Variants in DLG5 observed in about 807,000 individuals in gnomAD.
The protein encoded by DLG5 is discs large MAGUK scaffold protein 5.
A neutral mutation model predicts 189.8 loss-of-function variants in DLG5; 48 were observed. The observed-to-expected ratio is 0.25, with a 90% CI of 0.20 to 0.32. The LOEUF is 0.32. DLG5 is among the 10% of genes least tolerant of loss of function. The pLI, the probability that DLG5 is intolerant of heterozygous loss-of-function variation, is 1.00. For missense variants in DLG5, 2,160 were observed against 2,544.7 expected, an observed-to-expected ratio of 0.85 and a Z score of 3.25; for synonymous variants, 1,016 against 1,054.1, an observed-to-expected ratio of 0.96 and a Z score of 0.70.
the DLG5 span, among the ~76,000 whole-genome samples, chr10:77,932,432 G>C: frequency 6.6e-6 from 1 of 152,160 alleles, no homozygotes; most frequent in Non-Finnish European, 1.5e-5. Flanking sequence ...ACAAACTAAA[G>C]AGTTTTGCAT....
Position 77,796,187 on chromosome 10 carries a change from C to T in DLG5, c.5310G>A (p.Glu1770=). Residue 1770 remains glutamate (E), a splice_region_variant and synonymous_variant, in exon 29 of 32, where the codon GAG becomes GAA. Coordinates refer to ENST00000372391, the MANE Select transcript of DLG5 (RefSeq NM_004747.4). The surrounding 1 kb of genome is among the most constrained non-coding windows in gnomAD (Gnocchi z 5.2). ...APGKFCRCPL[E]VMKASQQAIE... ...TGGCCTGCTGGGAGGCCTTCATCAC[C>T]TCTGCAATGCACAGACACAGGAATC... 2 of 1,614,132 alleles carry T rather than the reference C, an allele frequency of 1.2e-6. No homozygotes were observed. The highest frequency in any genetic ancestry group is 1.7e-6 in the Non-Finnish European group (2 of 1,180,036).
chr10:77,811,030 G>A, intron 23 of DLG5, 64 bp downstream of exon 23: 2 of 1,557,506 alleles, frequency 1.3e-6, no homozygotes, highest in Non-Finnish European at 1.7e-6. Flanking sequence ...GCCACTTGGA[G>A]AATGTGCTCA....
intron 2 of DLG5, among the ~76,000 whole-genome samples, chr10:77,865,019 T>C (rs1017668012): frequency 2.0e-5 from 3 of 152,214 alleles, no homozygotes; most frequent in South Asian, 2.1e-4. Context: ...CAGAGCACTT[T>C]TCCTGGAAGG....
chr10:77,931,554 A>G (rs1249869610), upstream of DLG5, among the ~76,000 whole-genome samples: 1 of 151,796 alleles, frequency 6.6e-6, no homozygotes, highest in Non-Finnish European at 1.5e-5. Flanking sequence ...CCCACCTATA[A>G]TCAGGCTTCT....
intron 20 of DLG5, among the ~76,000 whole-genome samples, chr10:77,815,782 AAAGT>A (rs1162667836): frequency 6.6e-6 from 1 of 152,178 alleles, no homozygotes; most frequent in Non-Finnish European, 1.5e-5. Flanking sequence ...TGATTAAATA[AAAGT>A]AAGTTTATCA....
rs935827492 is a variant in DLG5 at position 77,811,185 on chromosome 10, T to C, written c.4372A>G (p.Thr1458Ala). 1.2e-6 allele frequency: 2 copies of C among 1,613,142 alleles called. No homozygotes were observed. The highest frequency in any genetic ancestry group is 2.7e-5 in the African/African-American group (2 of 74,780). The stretch of plus-strand genomic sequence containing the variant: ...ACAGATGGATGCTCCGGGGTGGTGG[T>C]GCCACTGCCCTGGAGAGTGGAGTGG... Reference protein sequence around the residue: ...GTHSTLQGSGTTTPEHPSVID... With the variant: ...GTHSTLQGSGATTPEHPSVID... Residue 1458 changes from threonine to alanine, a missense_variant, in exon 23 of 32, where the codon ACC (threonine) becomes GCC (alanine). Transcript: ENST00000372391.
At chr10:77,916,677 T>G (rs1846366703) in intron 1 of DLG5, among the ~76,000 whole-genome samples, 1 of 152,062 alleles carries the variant, frequency 6.6e-6, no homozygotes, top group African/African-American at 2.4e-5. Flanking sequence ...ATTTCCTTAA[T>G]TAAAACTCAG....
chr10:77,938,310 G>T, the DLG5 span, among the ~76,000 whole-genome samples: 1 of 151,992 alleles, frequency 6.6e-6, no homozygotes, highest in Non-Finnish European at 1.5e-5. Context: ...TGCCGGGCAT[G>T]GTCCCAGCTA....
At chr10:77,934,155 G>A in the DLG5 span, among the ~76,000 whole-genome samples, 4 of 152,056 alleles carry the variant, frequency 2.6e-5, no homozygotes, top group East Asian at 1.9e-4. Flanking sequence ...TGGATCACCC[G>A]AGGTCAGGAA....
chr10:77,873,039 A>ATG, intron 1 of DLG5, among the ~76,000 whole-genome samples: 1 of 149,402 alleles, frequency 6.7e-6, no homozygotes, highest in African/African-American at 2.5e-5. Flanking sequence ...GTGCACACAC[A>ATG]CACACACACA....
Position 77,833,993 on chromosome 10 carries a change from C to G in DLG5, c.1669G>C (p.Glu557Gln), listed in dbSNP as rs770352740. 2.5e-6 allele frequency: 4 copies of G among 1,608,810 alleles called. No homozygotes were observed. Among genetic ancestry groups the G allele is most frequent in the Non-Finnish European group, 3.4e-6 (4 of 1,179,938 alleles). ...AGGCTGCGCAGGGCCTCAGCCAGCT[C>G]GCTCACCGCACGGTCCCGCTCCCGC... ...LRRERDRAVS[E>Q]LAEALRSLDD... Residue 557 changes from glutamate (E) to glutamine (Q), a missense_variant, in exon 9 of 32, where the codon GAG becomes CAG. Physicochemically the swap from Glu to Gln is conservative, Grantham distance 29. This residue lies in a region of DLG5 where 664 missense variants were observed against 838.5 expected (regional missense o/e 0.79). Coordinates refer to ENST00000372391, the MANE Select transcript of DLG5 (RefSeq NM_004747.4).
rs865871828 is a variant in DLG5, at chr10:77,819,335, C to G, written c.3657G>C (p.Gln1219His). 1 of 1,613,986 alleles carries G rather than the reference C, an allele frequency of 6.2e-7. No homozygotes were observed. The highest frequency in any genetic ancestry group is 1.6e-4 in the Middle Eastern group (1 of 6,062). ...SPPAARDAGPQGLHPSVQHQG... is the reference protein window; with the variant it reads ...SPPAARDAGPHGLHPSVQHQG... ...CCTTCACATACCTGGGATGCAAACC[C>G]TGGGGGCCAGCATCTCGGGCCGCAG... Residue 1219 changes from glutamine to histidine, a missense_variant, in exon 17 of 32, where the codon CAG (glutamine) becomes CAC (histidine). Gln to His is a conservative substitution (Grantham distance 24). Transcript: ENST00000372391.
At chr10:77,870,195 A>G (rs1248659) in intron 1 of DLG5, among the ~76,000 whole-genome samples, 106,398 of 152,116 alleles carry the variant, frequency 0.7, 37,512 homozygotes, top group African/African-American at 0.78. Context: ...AAACAAGGAC[A>G]AATCCAGTGT....
Position 77,875,715 on chromosome 10 carries a change from G to A in DLG5, c.305-6518C>T, listed in dbSNP as rs908516374. Among the ~76,000 whole-genome samples, 3 of 152,090 alleles carry A rather than the reference G, an allele frequency of 2.0e-5. No homozygotes were observed. In the East Asian group the frequency reaches 5.8e-4, roughly 29 times the overall value. ...CTTCTCTGTTTTAAAGACCTCCTGG[G>A]ATGCTGGGGGGACAGAGGGCTCATA... is the stretch of plus-strand genomic sequence containing the variant. On this transcript the variant is annotated intron_variant, in intron 1 of 31. Coordinates refer to ENST00000372391, the MANE Select transcript of DLG5 (RefSeq NM_004747.4).
At chr10:77,830,913 G>A (rs762386154) in intron 9 of DLG5, 40 bp from the exon 10 acceptor site, 1 of 1,608,272 alleles carries the variant, frequency 6.2e-7, no homozygotes, top group Admixed American at 1.7e-5. Context: ...CCCTTGGGAG[G>A]TGAAACATCC....
In DLG5 at chr10:77,919,809, CAG is replaced by C. The variant is rs763899793; in HGVS notation, c.304+6406_304+6407del. 1.6e-4 allele frequency among the ~76,000 whole-genome samples: 24 copies of C among 152,186 alleles called. 4 individuals carry two copies. The highest frequency in any genetic ancestry group is 9.6e-4 in the East Asian group (5 of 5,182). The stretch of plus-strand genomic sequence containing the variant: ...AATGTCACACCACCTGCTTCCATCA[CAG>C]ACATACCGTGGGCGGTGATATCCCT... On this transcript the variant is annotated intron_variant, in intron 1 of 31. Coordinates refer to ENST00000372391, the MANE Select transcript of DLG5 (RefSeq NM_004747.4).
chr10:77,848,029 G>T (rs1450918195), intron 5 of DLG5, among the ~76,000 whole-genome samples: 3 of 152,142 alleles, frequency 2.0e-5, no homozygotes, highest in African/African-American at 7.2e-5. Flanking sequence ...TTCCACTCAG[G>T]CAGGCAGCAG....
chr10:77,867,985 A>T (rs1844752550), intron 2 of DLG5: 2 of 456,646 alleles, frequency 4.4e-6, no homozygotes, highest in African/African-American at 4.0e-5. Flanking sequence ...GGCAGAGATC[A>T]GTGTGATGTC....
In DLG5 at chr10:77,856,870, G is replaced by A. The variant is rs950604964; in HGVS notation, c.396C>T (p.Ser132=). The A allele has an allele frequency of 3.0e-5, 48 of 1,611,976 alleles. No homozygotes were observed. Among genetic ancestry groups the A allele is most frequent in the Non-Finnish European group, 4.0e-5 (47 of 1,179,734 alleles). Residue 132 remains serine (S), a synonymous_variant, in exon 3 of 32, where the codon TCC becomes TCT. Coordinates refer to ENST00000372391, the MANE Select transcript of DLG5 (RefSeq NM_004747.4). ...SSVGTTGKAP[S]PPPLLTDQQV... is the part of the protein sequence containing the mutation. The stretch of plus-strand genomic sequence containing the variant: ...GCTGGTCAGTGAGGAGGGGTGGTGG[G>A]GACGGCGCCTTCCCGGTAGTGCCTG...
Sources: allele counts gnomAD v4.1 joint callset (sites outside exome capture counted in the v4.1 genomes callset), GRCh38; gene constraint gnomAD v4.1.1; regional missense constraint gnomAD v4.1.1; non-coding constraint Gnocchi (gnomAD v3.1); transcripts MANE v1.5; gene names NCBI Gene and HGNC (gene_info 2026-07-23, HGNC 2026-07-21).